Variants in PCDH15 observed in about 807,000 individuals in gnomAD.
The protein encoded by PCDH15 is protocadherin-15.
PCDH15 carries 129 observed loss-of-function variants against 178.5 expected under a neutral mutation model. The ratio of observed to expected loss-of-function variants is 0.72; its 90% CI spans 0.63 to 0.84. The LOEUF (loss-of-function observed/expected upper bound fraction) is 0.84. PCDH15 is among the 40% of genes least tolerant of loss of function. PCDH15 has a pLI of 0.00. For synonymous variants in PCDH15, 800 were observed against 732.0 expected, an observed-to-expected ratio of 1.09 and a Z score of -1.50; for missense variants, 2,230 against 2,099.9, an observed-to-expected ratio of 1.06 and a Z score of -1.21.
At chr10:55,379,925 G>GAGTAA (rs1837491947) in intron 2 of PCDH15, among the ~76,000 whole-genome samples, 1 of 152,008 alleles carries the variant, frequency 6.6e-6, no homozygotes, top group Non-Finnish European at 1.5e-5. Flanking sequence ...GGGTACTAAA[G>GAGTAA]AGTAAAGAAA....
At chr10:54,229,656 CTCTTT>C (rs1348188955) in intron 9 of PCDH15, among the ~76,000 whole-genome samples, 1 of 152,160 alleles carries the variant, frequency 6.6e-6, no homozygotes, top group African/African-American at 2.4e-5. Context: ...TTCACAAGCT[CTCTTT>C]TCTTATATTT....
chr10:55,031,916 G>C (rs1373622712), intron 2 of PCDH15, among the ~76,000 whole-genome samples: 1 of 152,146 alleles, frequency 6.6e-6, no homozygotes, highest in African/African-American at 2.4e-5. Context: ...AATGAACTAA[G>C]ACAGAAATTG....
chr10:54,677,390 A>G (rs778256674), intron 1 of PCDH15, among the ~76,000 whole-genome samples: 8 of 152,092 alleles, frequency 5.3e-5, no homozygotes, highest in Non-Finnish European at 1.2e-4. Context: ...AATAAACAAA[A>G]AAGTATATTC....
At chr10:55,087,795 G>A (rs1301624413) in intron 2 of PCDH15, among the ~76,000 whole-genome samples, 1 of 152,064 alleles carries the variant, frequency 6.6e-6, no homozygotes, top group African/African-American at 2.4e-5. Context: ...GAGTCTGCCA[G>A]TCCAGAAACA....
intron 1 of PCDH15, among the ~76,000 whole-genome samples, chr10:54,717,458 A>G (rs1156400297): frequency 6.9e-6 from 1 of 145,634 alleles, no homozygotes; most frequent in Non-Finnish European, 1.5e-5. Context: ...AAGGACATGA[A>G]CAGACACTTC....
chr10:55,120,119 G>A (rs1378660820), intron 2 of PCDH15, among the ~76,000 whole-genome samples: 1 of 151,964 alleles, frequency 6.6e-6, no homozygotes, highest in Admixed American at 6.6e-5. Context: ...ATTGACAACA[G>A]AGGAAACAGG....
intron 28 of PCDH15, among the ~76,000 whole-genome samples, chr10:53,840,834 G>T (rs1457658197): frequency 2.0e-5 from 3 of 152,150 alleles, no homozygotes; most frequent in African/African-American, 7.2e-5. Context: ...GAGGCATGGG[G>T]TCTTAGAACC....
At chr10:55,045,550 G>A (rs1302739463) in intron 2 of PCDH15, among the ~76,000 whole-genome samples, 1 of 152,038 alleles carries the variant, frequency 6.6e-6, no homozygotes, top group East Asian at 1.9e-4. Context: ...TGTTTCATAT[G>A]TTATTCTTGT....
At chr10:55,350,262 TATATATACACAC>T (rs1217835781) in intron 2 of PCDH15, among the ~76,000 whole-genome samples, 1,022 of 66,092 alleles carry the variant, frequency 0.015, 8 homozygotes, top group African/African-American at 0.072. Flanking sequence ...TATATATATA[TATATATACACAC>T]ACACACACAC....
intron 19 of PCDH15, 35 bp downstream of exon 19, chr10:54,022,857 T>C (rs1453832605): frequency 6.2e-7 from 1 of 1,608,068 alleles, no homozygotes; most frequent in Non-Finnish European, 8.5e-7. Flanking sequence ...TCTCCTAATG[T>C]AGGATTCATG....
chr10:55,428,520 T>C (rs1838809832), intron 2 of PCDH15, among the ~76,000 whole-genome samples: 1 of 151,890 alleles, frequency 6.6e-6, no homozygotes, highest in African/African-American at 2.4e-5. Context: ...TACTGCATTA[T>C]AGATACATAC....
intron 6 of PCDH15, among the ~76,000 whole-genome samples, chr10:54,344,479 C>G (rs1942859626): frequency 6.6e-6 from 1 of 152,056 alleles, no homozygotes; most frequent in East Asian, 1.9e-4. Flanking sequence ...TATTTTTGCT[C>G]TCAAACTATA....
intron 8 of PCDH15, among the ~76,000 whole-genome samples, chr10:54,292,211 T>C (rs1331239217): frequency 6.6e-6 from 1 of 152,038 alleles, no homozygotes; most frequent in African/African-American, 2.4e-5. Context: ...ACAGAACCAA[T>C]GACAAAAACC....
chr10:55,322,147 A>G (rs1290507133), upstream of PCDH15, among the ~76,000 whole-genome samples: 1 of 152,168 alleles, frequency 6.6e-6, no homozygotes, highest in Non-Finnish European at 1.5e-5. Flanking sequence ...GGGGTAGTGA[A>G]TAAGTATCAT....
chr10:55,113,384 AG>A (rs1377457787), intron 2 of PCDH15, among the ~76,000 whole-genome samples: 1 of 151,460 alleles, frequency 6.6e-6, no homozygotes, highest in Non-Finnish European at 1.5e-5. Flanking sequence ...AATTTTTAAG[AG>A]CTTAGGTTTT....
At chr10:54,636,743 A>C (rs552855130) in intron 2 of PCDH15, among the ~76,000 whole-genome samples, 1 of 152,108 alleles carries the variant, frequency 6.6e-6, no homozygotes, top group African/African-American at 2.4e-5. Flanking sequence ...GATATGACAG[A>C]AGAGGCAAAC....
chr10:55,158,710 G>T (rs1407689927), intron 2 of PCDH15, among the ~76,000 whole-genome samples: 1 of 150,898 alleles, frequency 6.6e-6, no homozygotes, highest in African/African-American at 2.4e-5. Context: ...AAAAAAGAAA[G>T]AAAGAAAAAG....
At chr10:54,266,424 C>T (rs2057694841) in intron 8 of PCDH15, among the ~76,000 whole-genome samples, 3 of 151,414 alleles carry the variant, frequency 2.0e-5, no homozygotes, top group African/African-American at 7.3e-5. Flanking sequence ...AAACTATATC[C>T]AAATATAGCA....
intron 26 of PCDH15, among the ~76,000 whole-genome samples, chr10:53,893,931 C>T (rs1396998166): frequency 6.6e-6 from 1 of 151,996 alleles, no homozygotes; most frequent in East Asian, 1.9e-4. Context: ...ACTTGTTCTC[C>T]CCAAAATACT....
Sources: allele counts gnomAD v4.1 joint callset (sites outside exome capture counted in the v4.1 genomes callset), GRCh38; gene constraint gnomAD v4.1.1; transcripts MANE v1.5; gene names NCBI Gene and HGNC (gene_info 2026-07-23, HGNC 2026-07-21).